ZNF737: variants seen among roughly 807,000 people sequenced by gnomAD.
The protein encoded by ZNF737 is zinc finger protein 737.
ZNF737 carries 13 observed loss-of-function variants against 11.7 expected under a neutral mutation model. The observed-to-expected ratio is 1.11, with a 90% CI of 0.73 to 1.77. ZNF737 has a LOEUF of 1.77. Among genes scored for constraint, ZNF737 ranks in the 40% most tolerant of loss-of-function variants. The pLI is 0.00. For synonymous variants in ZNF737, 217 were observed against 216.2 expected (o/e 1.00, Z -0.03); for missense variants, 636 against 638.0 (o/e 1.00, Z 0.03).
rs1968136363 is a variant in ZNF737, at chr19:20,540,020, T to C, written c.*4572A>G. Reference sequence around the variant, plus strand: ...CCTGTTTCTCTTAAGCTATCCCAGATGAGAGGTGATTATTTCTTGAATGAA... The same window carrying C: ...CCTGTTTCTCTTAAGCTATCCCAGACGAGAGGTGATTATTTCTTGAATGAA... On this transcript the variant is annotated 3_prime_UTR_variant, in exon 4 of 4. Transcript: ENST00000427401. 1.1e-5 allele frequency: 11 copies of C among 985,298 alleles called. No individual in the cohort carries two copies. The South Asian group carries it at 4.7e-4, about 42-fold the overall frequency. The allele number at this position is 985,298 out of a possible 1,614,324, so 61.0% of individuals were successfully genotyped here.
chr19:20,554,495 C>T (rs562357238), intron 1 of ZNF737, among the ~76,000 whole-genome samples: 5 of 152,184 alleles, frequency 3.3e-5, no homozygotes, highest in Admixed American at 6.5e-5. Context: ...CATAAAGATA[C>T]TTAATAATGA....
chr19:20,548,621 CT>C lies in ZNF737; in HGVS notation c.227-2646del, dbSNP rs1323662549. Reference sequence around the variant, plus strand: ...TACTTAACATGACTGAAATGAACAGCTTTTTTTTTTGAGACACGGTCTCACT... The same window carrying C: ...TACTTAACATGACTGAAATGAACAGCTTTTTTTTTGAGACACGGTCTCACT... On this transcript the variant is annotated intron_variant, in intron 3 of 3. Coordinates refer to ENST00000427401, the MANE Select transcript of ZNF737 (RefSeq NM_001159293.2). 1.8e-3 allele frequency among the ~76,000 whole-genome samples: 271 copies of C among 148,112 alleles called. 1 individual carries two copies. The highest frequency in any genetic ancestry group is 6.3e-3 in the African/African-American group (255 of 40,540).
chr19:20,562,776 C>G (rs565285228), intron 1 of ZNF737, among the ~76,000 whole-genome samples: 3 of 152,028 alleles, frequency 2.0e-5, no homozygotes, highest in Non-Finnish European at 4.4e-5. Flanking sequence ...ATCCCTTAAT[C>G]GAACTCTTCT....
chr19:20,539,632 TC>T lies in ZNF737; in HGVS notation c.*4959del, dbSNP rs1205207216. The T allele has an allele frequency of 2.1e-6, 2 of 948,884 alleles. No individual in the cohort carries two copies. Among genetic ancestry groups the T allele is most frequent in the Non-Finnish European group, 2.5e-6 (2 of 796,828 alleles). 58.8% of individuals were successfully genotyped at this position (948,884 alleles called of 1,614,324 possible). A position where few individuals can be genotyped will look rare whatever the true frequency, so the allele number is the denominator to read the frequency against. On this transcript the variant is annotated 3_prime_UTR_variant, in exon 4 of 4. Coordinates refer to ENST00000427401, the MANE Select transcript of ZNF737 (RefSeq NM_001159293.2). ...TCATATTAATGTGTTTACAGTTTAA[TC>T]TTGTATTACAGTATAGTAGAATCCT...
At chr19:20,557,480 C>G (rs1968930936) in intron 1 of ZNF737, among the ~76,000 whole-genome samples, 1 of 102,130 alleles carries the variant, frequency 9.8e-6, no homozygotes, top group Non-Finnish European at 2.0e-5. Flanking sequence ...TTTTTCTAAG[C>G]TTACCTAAAA....
intron 2 of ZNF737, 24 bp from the exon 3 acceptor site, chr19:20,552,594 A>T: frequency 6.6e-7 from 1 of 1,520,338 alleles, no homozygotes; most frequent in Admixed American, 1.9e-5. Flanking sequence ...AATAAATAAC[A>T]TGAATCTTGC....
At chr19:20,561,158 G>C (rs533621888) in intron 1 of ZNF737, among the ~76,000 whole-genome samples, 76 of 152,320 alleles carry the variant, frequency 5.0e-4, no homozygotes, top group African/African-American at 1.8e-3. Context: ...GCTGTACTCT[G>C]ATTTATTACT....
At chr19:20,553,688 A>G (rs573273613) in intron 2 of ZNF737, 21 bp downstream of exon 2, 1 of 1,607,052 alleles carries the variant, frequency 6.2e-7, no homozygotes, top group Non-Finnish European at 8.5e-7. Flanking sequence ...ATTATGAATT[A>G]TGTATTAAAG....
rs1040465204 is a variant in ZNF737 at position 20,542,096 on chromosome 19, A to G, written c.*2496T>C. 2.2e-5 allele frequency: 22 copies of G among 985,060 alleles called. No homozygotes were observed. In the African/African-American group the frequency reaches 3.8e-4, roughly 17 times the overall value. 61.0% of individuals were successfully genotyped at this position (985,060 alleles called of 1,614,324 possible). The stretch of plus-strand genomic sequence containing the variant: ...GTTATTTTACAATGTATGAAATAGT[A>G]TATTCCTACAATATTGTACCTACAC... On this transcript the variant is annotated 3_prime_UTR_variant, in exon 4 of 4. Coordinates refer to ENST00000427401, the MANE Select transcript of ZNF737 (RefSeq NM_001159293.2).
At chr19:20,560,064 G>A (rs1969028599) in intron 1 of ZNF737, among the ~76,000 whole-genome samples, 1 of 151,226 alleles carries the variant, frequency 6.6e-6, no homozygotes, top group Non-Finnish European at 1.5e-5. Flanking sequence ...TACTCGGGAG[G>A]CTGAGGCAGG....
chr19:20,537,204 TC>T (rs1167340879), downstream of ZNF737, among the ~76,000 whole-genome samples: 7 of 151,200 alleles, frequency 4.6e-5, no homozygotes, highest in Admixed American at 6.6e-5. Context: ...TTTTTTTTTT[TC>T]TTTTTCTTTT....
downstream of ZNF737, among the ~76,000 whole-genome samples, chr19:20,532,412 A>C (rs1164418832): frequency 6.7e-6 from 1 of 149,852 alleles, no homozygotes; most frequent in Non-Finnish European, 1.5e-5. Flanking sequence ...TAAACATTTC[A>C]TAGACATACC....
At chr19:20,559,631 A>G (rs1969010210) in intron 1 of ZNF737, among the ~76,000 whole-genome samples, 1 of 152,254 alleles carries the variant, frequency 6.6e-6, no homozygotes, top group Admixed American at 6.5e-5. Flanking sequence ...CGGAATGCTT[A>G]TACTCTGCTG....
chr19:20,538,906 C>G lies in ZNF737; in HGVS notation c.*5686G>C. 3 of 985,316 alleles carry G rather than the reference C, an allele frequency of 3.0e-6. No homozygotes were observed. The highest frequency in any genetic ancestry group is 3.6e-6 in the Non-Finnish European group (3 of 829,820). The allele number at this position is 985,316 out of a possible 1,614,324, so 61.0% of individuals were successfully genotyped here. ...AAAACAAATCTTTTGTTAATTCACT[C>G]TAAATTGAGACTACATTTACAATCT... On this transcript the variant is annotated 3_prime_UTR_variant, in exon 4 of 4. Transcript: ENST00000427401.
At chr19:20,548,970 A>AAAAAAC (rs1406345777) in intron 3 of ZNF737, among the ~76,000 whole-genome samples, 1 of 116,970 alleles carries the variant, frequency 8.5e-6, no homozygotes, top group South Asian at 2.7e-4. Context: ...CTGAAAAAAA[A>AAAAAAC]AAAAAAAAAA....
rs1011948043 is a variant in ZNF737, at chr19:20,544,815, T to A, written c.1388A>T (p.Asn463Ile). The change falls in exon 4 of 4, where the codon AAC becomes ATC. Residue 463 changes from asparagine to isoleucine, a missense_variant. By Grantham distance (149) the Asn-to-Ile change is moderately radical. Transcript: ENST00000427401. ...ATGTGCAGTAAGGTGTGAGGACGAG[T>A]TGAAGGCTTTGCCACATTCTTCACA... The part of the protein sequence containing the change: ...YKCEECGKAF[N>I]SSSHLTAHKR... The A allele has an allele frequency of 6.4e-7, 1 of 1,566,720 alleles. No homozygotes were observed.
chr19:20,553,771 G>T lies in ZNF737; in HGVS notation c.68C>A (p.Thr23Asn). The change falls in exon 2 of 4, where the codon ACT becomes AAT. Residue 23 changes from threonine (T) to asparagine (N), a missense_variant. Thr to Asn is a moderately conservative substitution (Grantham distance 65). Coordinates refer to ENST00000427401, the MANE Select transcript of ZNF737 (RefSeq NM_001159293.2). ...FSLEEWHCLD[T>N]AQRNLYRNVM... ...ATTCCTATATAAATTCCGCTGTGCA[G>T]TGTCCAGGCAATGCCACTCCTCCAG... 6.2e-7 allele frequency: 1 copy of T among 1,614,002 alleles called. No homozygotes were observed.
Position 20,540,007 on chromosome 19 carries a change from AAGCTATC to A in ZNF737, c.*4578_*4584del. 1.0e-6 allele frequency: 1 copy of A among 985,338 alleles called. No individual in the cohort carries two copies. Among genetic ancestry groups the A allele is most frequent in the Non-Finnish European group, 1.2e-6 (1 of 829,910 alleles). The allele number at this position is 985,338 out of a possible 1,614,324, so 61.0% of individuals were successfully genotyped here. On this transcript the variant is annotated 3_prime_UTR_variant, in exon 4 of 4. Coordinates refer to ENST00000427401, the MANE Select transcript of ZNF737 (RefSeq NM_001159293.2). ...CCTGTTGTGGTCTCCTGTTTCTCTT[AAGCTATC>A]CCAGATGAGAGGTGATTATTTCTTG...
At chr19:20,556,827 G>T (rs1968906356) in intron 1 of ZNF737, among the ~76,000 whole-genome samples, 1 of 152,204 alleles carries the variant, frequency 6.6e-6, no homozygotes, top group Admixed American at 6.5e-5. Flanking sequence ...TTGTTAAACA[G>T]GTACTATGTG....
Sources: allele counts gnomAD v4.1 joint callset (sites outside exome capture counted in the v4.1 genomes callset), GRCh38; gene constraint gnomAD v4.1.1; transcripts MANE v1.5; gene names NCBI Gene and HGNC (gene_info 2026-07-23, HGNC 2026-07-21).